The following GTF2IRD2B variants were observed in gnomAD, a reference collection of about 807,000 sequenced individuals.
The protein encoded by GTF2IRD2B is general transcription factor II-I repeat domain-containing protein 2B.
Under a neutral mutation model 55.6 loss-of-function variants are expected in GTF2IRD2B, and 10 were observed. The ratio of observed to expected loss-of-function variants is 0.18; its 90% confidence interval spans 0.11 to 0.31. The LOEUF (loss-of-function observed/expected upper bound fraction) is 0.31. Ranked by LOEUF, GTF2IRD2B falls within the 10% of genes least tolerant of loss-of-function variation. The pLI is 1.00. For synonymous variants in GTF2IRD2B, 107 were observed against 320.5 expected, an observed-to-expected ratio of 0.33 and a Z score of 7.12; for missense variants, 206 against 802.7, an observed-to-expected ratio of 0.26 and a Z score of 8.98.
chr7:75,124,165 C>T (rs1554536039), intron 6 of GTF2IRD2B, among the ~76,000 whole-genome samples: 3 of 151,448 alleles, frequency 2.0e-5, no homozygotes, highest in African/African-American at 7.3e-5. Context: ...GTCAGGAGTT[C>T]GAGACCAGCC....
intron 1 of GTF2IRD2B, among the ~76,000 whole-genome samples, chr7:75,093,665 T>G (rs1388383850): frequency 1.3e-5 from 2 of 152,238 alleles, no homozygotes; most frequent in East Asian, 3.8e-4. Context: ...AGAAGTTTTT[T>G]GTGTGTCTGG....
intron 1 of GTF2IRD2B, 71 bp downstream of exon 1, chr7:75,092,836 C>G (rs868993434): frequency 0.076 from 11,520 of 151,200 alleles, 332 homozygotes; most frequent in African/African-American, 0.27. Flanking sequence ...TCGGAACGTC[C>G]TCCTCCTGAG....
chr7:75,123,620 A>G, intron 6 of GTF2IRD2B, 104 bp downstream of exon 6: 2 of 558,238 alleles, frequency 3.6e-6, no homozygotes, highest in Non-Finnish European at 6.5e-6. Context: ...TCACACCTGT[A>G]ATCCCAGCAC....
intron 1 of GTF2IRD2B, among the ~76,000 whole-genome samples, chr7:75,105,006 TG>T (rs1281339891): frequency 6.6e-6 from 1 of 152,296 alleles, no homozygotes; most frequent in African/African-American, 2.4e-5. Context: ...GAGACCAGTC[TG>T]GGCAACATAG....
intron 3 of GTF2IRD2B, among the ~76,000 whole-genome samples, chr7:75,119,783 T>C (rs1370898645): frequency 1.0e-5 from 1 of 98,698 alleles, no homozygotes; most frequent in Non-Finnish European, 2.0e-5. Flanking sequence ...ATTTGGGTGA[T>C]GAGTACACTA....
chr7:75,148,899 G>A lies in GTF2IRD2B; in HGVS notation c.2452G>A (p.Asp818Asn). The change falls in exon 16 of 16, where the codon GAT (aspartate) becomes AAT (asparagine). Residue 818 changes from aspartate to asparagine, a missense_variant. Coordinates refer to ENST00000472837, the MANE Select transcript of GTF2IRD2B (RefSeq NM_001003795.3). ...GAAATTGGTTTCCAGAAATGAAAGC[G>A]ATGGCCTGAACTACATTCCCAAAAT... ...TLKLVSRNESDGLNYIPKIAE... is the reference protein window; with the variant it reads ...TLKLVSRNESNGLNYIPKIAE... The A allele has an allele frequency of 6.3e-7, 1 of 1,590,986 alleles. No individual in the cohort carries two copies. Among genetic ancestry groups the A allele is most frequent in the South Asian group, 1.1e-5 (1 of 90,662 alleles).
intron 3 of GTF2IRD2B, among the ~76,000 whole-genome samples, chr7:75,119,893 C>G (rs1554451761): frequency 9.1e-6 from 1 of 110,330 alleles, no homozygotes; most frequent in South Asian, 2.6e-4. Context: ...CTTTGGGAGG[C>G]CGAGGCAGGC....
Position 75,130,129 on chromosome 7 carries a change from C to CTT in GTF2IRD2B, c.671-3004_671-3003dup, listed in dbSNP as rs1311110829. ...TCTTTCTTTCTTTCTTTCTTTCTTT[C>CTT]TTTCTTTCTTTCTTTCTTTCCTTCT... On this transcript the variant is annotated intron_variant, in intron 8 of 15. Coordinates refer to ENST00000472837, the MANE Select transcript of GTF2IRD2B (RefSeq NM_001003795.3). Among the ~76,000 whole-genome samples, 15 of 110,000 alleles carry CTT rather than the reference C, an allele frequency of 1.4e-4. No individual in the cohort carries two copies. In the Admixed American group the frequency reaches 1.4e-3, roughly 10 times the overall value. 72.2% of individuals were successfully genotyped at this position (110,000 alleles called of 152,430 possible). A position where few individuals can be genotyped will look rare whatever the true frequency, so the allele number is the denominator to read the frequency against.
At chr7:75,105,242 A>AC (rs1343441931) in intron 1 of GTF2IRD2B, among the ~76,000 whole-genome samples, 1 of 152,212 alleles carries the variant, frequency 6.6e-6, no homozygotes, top group African/African-American at 2.4e-5. Flanking sequence ...GGTGGCTCTC[A>AC]CCTGTAATCC....
At chr7:75,134,378 ACT>A (rs1201219644) in intron 9 of GTF2IRD2B, among the ~76,000 whole-genome samples, 1 of 143,070 alleles carries the variant, frequency 7.0e-6, no homozygotes, top group African/African-American at 3.0e-5. Flanking sequence ...CTGGAGTGAA[ACT>A]CTCTCTCAAA....
intron 3 of GTF2IRD2B, among the ~76,000 whole-genome samples, chr7:75,115,176 AT>A (rs1808102643): frequency 7.5e-6 from 1 of 134,180 alleles, no homozygotes; most frequent in Admixed American, 8.4e-5. Flanking sequence ...GGCTCAAGTG[AT>A]CCTCCTGTCT....
intron 2 of GTF2IRD2B, 131 bp from the exon 3 acceptor site, chr7:75,112,266 T>A (rs1807996455): frequency 1.2e-5 from 2 of 170,936 alleles, no homozygotes; most frequent in Admixed American, 2.8e-4. Flanking sequence ...CGAGACTCCG[T>A]CTCAAAAATA....
intron 10 of GTF2IRD2B, among the ~76,000 whole-genome samples, chr7:75,136,190 C>T (rs1808830120): frequency 7.6e-6 from 1 of 130,752 alleles, no homozygotes; most frequent in South Asian, 2.3e-4. Context: ...CCTTTCCAAA[C>T]CTAGAGGCGT....
In GTF2IRD2B at chr7:75,120,957, G is replaced by A. The variant is rs1322225645; in HGVS notation, c.305G>A (p.Gly102Asp). The A allele has an allele frequency of 6.2e-7, 1 of 1,614,028 alleles. No individual in the cohort carries two copies. The highest frequency in any genetic ancestry group is 1.1e-5 in the South Asian group (1 of 91,082). ...CPVNGMQVHS[G>D]ETEILRKAVE... ...GTGAACGGGATGCAGGTCCACTCGG[G>A]CGAAACGGAAATACTCAGGAAGGCA... Residue 102 changes from glycine to aspartate, a missense_variant, in exon 4 of 16, where the codon GGC becomes GAC. Physicochemically the swap from Gly to Asp is moderately conservative, Grantham distance 94. Transcript: ENST00000472837.
At chr7:75,105,316 C>G (rs1199174969) in intron 1 of GTF2IRD2B, among the ~76,000 whole-genome samples, 2 of 152,282 alleles carry the variant, frequency 1.3e-5, no homozygotes, top group Non-Finnish European at 2.9e-5. Context: ...CCAGCCTGGC[C>G]AACATGGTGT....
intron 1 of GTF2IRD2B, among the ~76,000 whole-genome samples, chr7:75,102,017 T>G (rs1434235333): frequency 6.6e-6 from 1 of 151,740 alleles, no homozygotes; most frequent in East Asian, 1.9e-4. Flanking sequence ...TTTTGTTTTT[T>G]TGTGAGACGG....
At chr7:75,096,724 CTACTA>C (rs1387696438) in intron 1 of GTF2IRD2B, among the ~76,000 whole-genome samples, 4 of 150,780 alleles carry the variant, frequency 2.7e-5, no homozygotes, top group Admixed American at 2.6e-4. Context: ...CCTCGCCTGG[CTACTA>C]GTATACATTT....
intron 3 of GTF2IRD2B, among the ~76,000 whole-genome samples, chr7:75,117,761 C>T (rs2115755633): frequency 6.6e-6 from 1 of 152,398 alleles, no homozygotes; most frequent in South Asian, 2.1e-4. Flanking sequence ...TTACATTGGC[C>T]TTTTTTCTTT....
At chr7:75,110,143 G>GA (rs1807926566) in intron 2 of GTF2IRD2B, among the ~76,000 whole-genome samples, 3 of 143,876 alleles carry the variant, frequency 2.1e-5, no homozygotes, top group Non-Finnish European at 3.1e-5. Flanking sequence ...TCTGTCTCAA[G>GA]AAAAAAAAAG....
Sources: gnomAD v4.1 joint callset for allele counts (sites outside exome capture counted in the v4.1 genomes callset) on GRCh38, gnomAD v4.1.1 for gene constraint, MANE v1.5 for transcripts, NCBI Gene and HGNC (gene_info 2026-07-23, HGNC 2026-07-21) for gene names.